PXDNL: variants seen among roughly 807,000 people sequenced by gnomAD.
The protein encoded by PXDNL is peroxidasin like, also known as probable oxidoreductase PXDNL.
Under a neutral mutation model 150.8 loss-of-function variants are expected in PXDNL, and 145 were observed. The observed-to-expected ratio is 0.96, with a 90% CI of 0.84 to 1.10. The LOEUF is 1.10. Ranked by LOEUF, PXDNL falls within the 50% of genes least tolerant of loss-of-function variation. PXDNL has a pLI of 0.00. For synonymous variants in PXDNL, 757 were observed against 725.7 expected (o/e 1.04, Z -0.69); for missense variants, 2,087 against 1,873.9 (o/e 1.11, Z -2.10).
intron 2 of PXDNL, among the ~76,000 whole-genome samples, chr8:51,595,020 C>T (rs1380092581): frequency 6.6e-6 from 1 of 151,538 alleles, no homozygotes; most frequent in Non-Finnish European, 1.5e-5. Flanking sequence ...AAAAAAGAAG[C>T]GAACAAAACA....
In PXDNL at chr8:51,423,582, T is replaced by C. The variant is rs1479275469; in HGVS notation, c.1788A>G (p.Thr596=). 5 of 1,613,510 alleles carry C rather than the reference T, an allele frequency of 3.1e-6. No individual in the cohort carries two copies. Among genetic ancestry groups the C allele is most frequent in the East Asian group, 2.2e-5 (1 of 44,864 alleles). Residue 596 remains threonine (T), a synonymous_variant, in exon 14 of 23, where the codon ACA becomes ACG. Transcript: ENST00000356297. ...FGLAVTNMFL[T]VTAIQGRQAG... Reference sequence around the variant, plus strand: ...GGAGCTATAGACACCTACCCGTGACTGTAAGAAACATGTTGGTCACAGCAA... The same window carrying C: ...GGAGCTATAGACACCTACCCGTGACCGTAAGAAACATGTTGGTCACAGCAA...
At chr8:51,744,400 G>A (rs2036951503) in intron 1 of PXDNL, among the ~76,000 whole-genome samples, 1 of 151,142 alleles carries the variant, frequency 6.6e-6, no homozygotes, top group African/African-American at 2.4e-5. Context: ...GGGCACGGTG[G>A]CTCACACCTG....
rs767630709 is a variant in PXDNL, at chr8:51,339,596, GGACATGTTATTT to G, written c.4146+16_4146+27del. 98 of 1,606,974 alleles carry G rather than the reference GGACATGTTATTT, an allele frequency of 6.1e-5. No individual in the cohort carries two copies. The Middle Eastern group carries it at 9.9e-4, about 16-fold the overall frequency. ...TTAGTTATTCCAACGCATACAATAA[GGACATGTTATTT>G]GAAGAGAAAACAAACCTGCTCTCTG... is the stretch of plus-strand genomic sequence containing the variant. On this transcript the variant is annotated intron_variant, in intron 21 of 22. Transcript: ENST00000356297.
chr8:51,595,708 A>C (rs987663382), intron 2 of PXDNL, among the ~76,000 whole-genome samples: 4 of 152,150 alleles, frequency 2.6e-5, no homozygotes, highest in Non-Finnish European at 5.9e-5. Flanking sequence ...TTGCATAGTC[A>C]CCAAGCAAGA....
chr8:51,559,381 A>AG (rs1409343012), intron 3 of PXDNL, among the ~76,000 whole-genome samples: 2 of 128,572 alleles, frequency 1.6e-5, no homozygotes, highest in Non-Finnish European at 3.2e-5. Context: ...TGAAGTTTAT[A>AG]GGGACAGTTT....
In PXDNL at chr8:51,427,609, G is replaced by A. The variant is rs1048866295; in HGVS notation, c.1526-851C>T. ...GTTCAATATTTGAAAATAAATAAAT[G>A]TAATCCATCATATTAATGGCTAAAG... On this transcript the variant is annotated intron_variant, in intron 12 of 22. Transcript: ENST00000356297. Among the ~76,000 whole-genome samples, 3 of 152,128 alleles carry A rather than the reference G, an allele frequency of 2.0e-5. No individual in the cohort carries two copies. In the South Asian group the frequency reaches 6.2e-4, roughly 32 times the overall value.
At chr8:51,654,205 A>T (rs1025123398) in intron 2 of PXDNL, among the ~76,000 whole-genome samples, 1 of 152,142 alleles carries the variant, frequency 6.6e-6, no homozygotes, top group Non-Finnish European at 1.5e-5. Context: ...TAAAGTTGTC[A>T]TTTTTTTCTC....
At chr8:51,636,267 C>T (rs1427367178) in intron 2 of PXDNL, among the ~76,000 whole-genome samples, 1 of 152,034 alleles carries the variant, frequency 6.6e-6, no homozygotes, top group Non-Finnish European at 1.5e-5. Context: ...TGAAAGAAAC[C>T]TTCCCCCTAA....
intron 21 of PXDNL, among the ~76,000 whole-genome samples, chr8:51,324,520 C>T (rs1805425796): frequency 6.6e-6 from 1 of 152,062 alleles, no homozygotes; most frequent in East Asian, 1.9e-4. Context: ...TGGAATTGTC[C>T]TTCCCTTCTC....
intron 4 of PXDNL, among the ~76,000 whole-genome samples, chr8:51,512,121 A>G (rs1811435699): frequency 6.6e-6 from 1 of 152,242 alleles, no homozygotes; most frequent in Non-Finnish European, 1.5e-5. Flanking sequence ...GGTGTGCACA[A>G]TTTATACACC....
chr8:51,580,710 C>A (rs116943596), intron 3 of PXDNL, among the ~76,000 whole-genome samples: 2 of 152,024 alleles, frequency 1.3e-5, no homozygotes. Context: ...TCCTTGATAC[C>A]AAGTAGCTTA....
At chr8:51,505,633 G>A (rs1182031840) in intron 4 of PXDNL, among the ~76,000 whole-genome samples, 1 of 152,186 alleles carries the variant, frequency 6.6e-6, no homozygotes, top group Non-Finnish European at 1.5e-5. Context: ...CTGTGTCTCT[G>A]TGTGTCTGTG....
intron 3 of PXDNL, among the ~76,000 whole-genome samples, chr8:51,591,680 G>A (rs1024109827): frequency 2.6e-5 from 4 of 151,658 alleles, no homozygotes; most frequent in East Asian, 3.9e-4. Flanking sequence ...GTGCAGTGGC[G>A]CCATCTCGGC....
intron 4 of PXDNL, among the ~76,000 whole-genome samples, chr8:51,551,997 C>T (rs1444597782): frequency 6.6e-6 from 1 of 151,950 alleles, no homozygotes; most frequent in African/African-American, 2.4e-5. Flanking sequence ...CAAGTAATCC[C>T]ATCAAAAAGT....
intron 21 of PXDNL, among the ~76,000 whole-genome samples, chr8:51,331,732 C>T (rs117232041): frequency 6.6e-6 from 1 of 152,024 alleles, no homozygotes. Context: ...TCCTCGACAA[C>T]CTGCATGACT....
intron 3 of PXDNL, among the ~76,000 whole-genome samples, chr8:51,585,614 G>C (rs938564598): frequency 6.6e-6 from 1 of 152,108 alleles, no homozygotes; most frequent in Non-Finnish European, 1.5e-5. Context: ...AGGAATGAAG[G>C]CTGGTTTGGA....
intron 3 of PXDNL, among the ~76,000 whole-genome samples, chr8:51,587,958 G>T (rs892306382): frequency 6.6e-6 from 1 of 152,074 alleles, no homozygotes; most frequent in African/African-American, 2.4e-5. Context: ...ACAAATAGAT[G>T]AGAAAAAATA....
At chr8:51,645,061 G>A (rs1055062617) in intron 2 of PXDNL, among the ~76,000 whole-genome samples, 1 of 152,064 alleles carries the variant, frequency 6.6e-6, no homozygotes, top group African/African-American at 2.4e-5. Flanking sequence ...GAAGACCCAG[G>A]AAAGCCCGTG....
intron 2 of PXDNL, among the ~76,000 whole-genome samples, chr8:51,651,295 CAG>C (rs1480275688): frequency 6.6e-6 from 1 of 152,064 alleles, no homozygotes; most frequent in African/African-American, 2.4e-5. Context: ...TGTGGGGAGA[CAG>C]AGAAACGTGA....
Sources: gnomAD v4.1 joint callset for allele counts (sites outside exome capture counted in the v4.1 genomes callset) on GRCh38, gnomAD v4.1.1 for gene constraint, MANE v1.5 for transcripts, NCBI Gene and HGNC (gene_info 2026-07-23, HGNC 2026-07-21) for gene names.